FAM184A: variants seen among roughly 807,000 people sequenced by gnomAD.
FAM184A encodes family with sequence similarity 184 member A.
Under a neutral mutation model 143.8 loss-of-function variants are expected in FAM184A, and 99 were observed. The observed-to-expected ratio is 0.69, with a 90% CI of 0.58 to 0.81. The LOEUF is 0.81. Among genes scored for constraint, FAM184A ranks in the 40% least tolerant of loss-of-function variants. The pLI is 0.00. For synonymous variants in FAM184A, 427 were observed against 446.4 expected, an observed-to-expected ratio of 0.96 and a Z score of 0.55; for missense variants, 1,217 against 1,310.5, an observed-to-expected ratio of 0.93 and a Z score of 1.10.
At chr6:119,096,630 G>A (rs1248530596) in intron 1 of FAM184A, among the ~76,000 whole-genome samples, 1 of 125,344 alleles carries the variant, frequency 8.0e-6, no homozygotes, top group Admixed American at 8.9e-5. Context: ...GCGACAGAGC[G>A]AGACTCCATC....
chr6:118,983,561 T>TA lies in FAM184A; in HGVS notation c.2089-3212dup, dbSNP rs549357951. Among the ~76,000 whole-genome samples, 776 of 152,284 alleles carry TA rather than the reference T, an allele frequency of 5.1e-3. 4 individuals carry two copies. Among genetic ancestry groups the TA allele is most frequent in the African/African-American group, 0.017 (720 of 41,582 alleles). Reference sequence around the variant, plus strand: ...TAGTTTCTATACATTCGTTAAAATTTAAAAAATTCTATTTCTTATTTTGTT... The same window carrying TA: ...TAGTTTCTATACATTCGTTAAAATTTAAAAAAATTCTATTTCTTATTTTGTT... On this transcript the variant is annotated intron_variant, in intron 9 of 17. Transcript: ENST00000338891.
chr6:119,042,031 C>T (rs891373523), intron 1 of FAM184A, among the ~76,000 whole-genome samples: 12 of 152,086 alleles, frequency 7.9e-5, no homozygotes, highest in Admixed American at 6.5e-5. Flanking sequence ...GAACAAGGAC[C>T]CCCTGGTAAC....
chr6:119,053,023 T>C (rs1038319540), intron 1 of FAM184A, among the ~76,000 whole-genome samples: 8 of 152,180 alleles, frequency 5.3e-5, no homozygotes, highest in African/African-American at 1.7e-4. Context: ...GTGGAGGATG[T>C]ATTAGATGAG....
At chr6:119,110,327 G>A (rs6569049) in intron 1 of FAM184A, among the ~76,000 whole-genome samples, 94,821 of 151,940 alleles carry the variant, frequency 0.62, 30,311 homozygotes, top group East Asian at 0.95. Context: ...AACAACAATC[G>A]AAACACAACA....
Position 118,966,968 on chromosome 6 carries a change from A to C in FAM184A, c.2916-16T>G. 1.6e-6 allele frequency: 2 copies of C among 1,251,430 alleles called. No individual in the cohort carries two copies. Among genetic ancestry groups the C allele is most frequent in the African/African-American group, 1.5e-5 (1 of 67,080 alleles). The allele number at this position is 1,251,430 out of a possible 1,614,324, so 77.5% of individuals were successfully genotyped here. ...TTCTTCTAATCTGAAAACAAGAAAGACTTTAGCTCATTGATATCACTCAGA... is the reference window on the plus strand; with the variant it reads ...TTCTTCTAATCTGAAAACAAGAAAGCCTTTAGCTCATTGATATCACTCAGA... On this transcript the variant is annotated splice_polypyrimidine_tract_variant and intron_variant, in intron 14 of 17. Transcript: ENST00000338891.
At chr6:118,982,311 C>T (rs1206910708) in intron 9 of FAM184A, among the ~76,000 whole-genome samples, 1 of 152,140 alleles carries the variant, frequency 6.6e-6, no homozygotes, top group Non-Finnish European at 1.5e-5. Flanking sequence ...GAGAAAGCAC[C>T]TACCCCCTCT....
At chr6:119,034,155 T>A (rs1164984945) in intron 1 of FAM184A, among the ~76,000 whole-genome samples, 1 of 145,084 alleles carries the variant, frequency 6.9e-6, no homozygotes, top group African/African-American at 2.6e-5. Flanking sequence ...AATGAGGAGA[T>A]CATAAACGAA....
chr6:119,131,554 C>T (rs718534), intron 1 of FAM184A, among the ~76,000 whole-genome samples: 17,006 of 152,080 alleles, frequency 0.11, 1,360 homozygotes, highest in African/African-American at 0.23. Flanking sequence ...GGTGTGATCA[C>T]GGCTCCCCGC....
chr6:119,112,683 C>T (rs929826600), intron 1 of FAM184A, among the ~76,000 whole-genome samples: 2 of 152,142 alleles, frequency 1.3e-5, no homozygotes, highest in South Asian at 2.1e-4. Flanking sequence ...CATCACTCTA[C>T]AGAGAAATTG....
At chr6:119,118,177 T>G (rs1789111846) in intron 1 of FAM184A, among the ~76,000 whole-genome samples, 1 of 152,178 alleles carries the variant, frequency 6.6e-6, no homozygotes, top group African/African-American at 2.4e-5. Context: ...TCTTATTTTT[T>G]ATAATAATGA....
At chr6:118,989,230 G>A (rs1436395366) in intron 9 of FAM184A, among the ~76,000 whole-genome samples, 1 of 151,434 alleles carries the variant, frequency 6.6e-6, no homozygotes, top group Non-Finnish European at 1.5e-5. Context: ...CAAAGTGCTT[G>A]GGATTACAGG....
At chr6:119,007,912 C>T (rs1052669971) in intron 6 of FAM184A, among the ~76,000 whole-genome samples, 1 of 151,866 alleles carries the variant, frequency 6.6e-6, no homozygotes, top group African/African-American at 2.4e-5. Flanking sequence ...TGCATTCCAG[C>T]CTGGCAACAG....
At chr6:119,067,935 G>A (rs1171001873) in intron 1 of FAM184A, among the ~76,000 whole-genome samples, 2 of 151,882 alleles carry the variant, frequency 1.3e-5, no homozygotes, top group African/African-American at 2.4e-5. Context: ...TGGCACCCCT[G>A]CACTCCAGCC....
At chr6:119,101,069 C>CA (rs538807083) in intron 1 of FAM184A, among the ~76,000 whole-genome samples, 4 of 139,712 alleles carry the variant, frequency 2.9e-5, no homozygotes, top group African/African-American at 1.1e-4. Flanking sequence ...AATGCACTTT[C>CA]TTTTTTTTTT....
intron 1 of FAM184A, among the ~76,000 whole-genome samples, chr6:119,119,410 T>TC (rs1789149825): frequency 6.6e-6 from 1 of 152,138 alleles, no homozygotes; most frequent in African/African-American, 2.4e-5. Flanking sequence ...ATGTGAAGTC[T>TC]CCCCCGGACA....
chr6:119,015,663 C>CTCCACGGCG (rs1343089285), intron 5 of FAM184A, among the ~76,000 whole-genome samples: 1 of 152,232 alleles, frequency 6.6e-6, no homozygotes, highest in Non-Finnish European at 1.5e-5. Flanking sequence ...CTGCCCCCTG[C>CTCCACGGCG]TCCACGGCGC....
At chr6:119,112,248 C>T (rs529426058) in intron 1 of FAM184A, among the ~76,000 whole-genome samples, 4 of 152,132 alleles carry the variant, frequency 2.6e-5, no homozygotes, top group Non-Finnish European at 4.4e-5. Flanking sequence ...TCTCCTGCCT[C>T]AGCCTCCTCA....
chr6:119,008,468 A>C (rs963332992), intron 6 of FAM184A, among the ~76,000 whole-genome samples: 1 of 152,206 alleles, frequency 6.6e-6, no homozygotes, highest in African/African-American at 2.4e-5. Context: ...CACAAGAACA[A>C]ACCCAATTTA....
chr6:118,969,229 T>G (rs2114549108), intron 14 of FAM184A, among the ~76,000 whole-genome samples: 2 of 152,342 alleles, frequency 1.3e-5, no homozygotes, highest in East Asian at 3.9e-4. Context: ...TGCTGAACTG[T>G]GAGTCAATTA....
Sources: allele counts gnomAD v4.1 joint callset (sites outside exome capture counted in the v4.1 genomes callset), GRCh38; gene constraint gnomAD v4.1.1; transcripts MANE v1.5; gene names NCBI Gene and HGNC (gene_info 2026-07-23, HGNC 2026-07-21).